REL: variants seen among roughly 807,000 people sequenced by gnomAD.
REL encodes REL proto-oncogene, NF-kB subunit.
REL carries 15 observed loss-of-function variants against 45.9 expected under a neutral mutation model. That is an observed-to-expected ratio of 0.33 (90% CI 0.22 to 0.50). The LOEUF is 0.50. Ranked by LOEUF, REL falls within the 20% of genes least tolerant of loss-of-function variation. REL has a pLI of 0.98. For synonymous variants in REL, 239 were observed against 242.1 expected (o/e 0.99, Z 0.12); for missense variants, 601 against 715.2 (o/e 0.84, Z 1.82).
rs779702816 is a variant in REL at position 60,922,338 on chromosome 2, T to G, written c.1567T>G (p.Phe523Val). Residue 523 changes from phenylalanine (F) to valine (V), a missense_variant, in exon 10 of 10, where the codon TTT (phenylalanine) becomes GTT (valine). This residue lies in a region of REL where 334 missense variants were observed against 333.1 expected (regional missense o/e 1.00). Transcript: ENST00000394479. ...SAGANSNTTV[F>V]VSQSDAFEGS... The stretch of plus-strand genomic sequence containing the variant: ...AGGCGCCAATTCCAATACTACTGTT[T>G]TTGTTTCACAATCAGATGCATTTGA... 4.5e-5 allele frequency: 72 copies of G among 1,614,052 alleles called. No individual in the cohort carries two copies. The highest frequency in any genetic ancestry group is 1.6e-4 in the Middle Eastern group (1 of 6,082).
rs911670269 is a variant in REL at position 60,908,382 on chromosome 2, T to C, written c.394+7299T>C. Among the ~76,000 whole-genome samples the C allele has an allele frequency of 2.0e-5, 3 of 152,194 alleles. No individual in the cohort carries two copies. In the East Asian group the frequency reaches 5.8e-4, roughly 29 times the overall value. ...CCTTTATCTTTCTTGCCATTTGTTC[T>C]TTAAAACTAAGAAACAGTCTCTAGC... is the stretch of plus-strand genomic sequence containing the variant. On this transcript the variant is annotated intron_variant, in intron 4 of 9. Transcript: ENST00000394479.
At chr2:60,882,660 G>A (rs1011958372) in intron 1 of REL, among the ~76,000 whole-genome samples, 4 of 151,890 alleles carry the variant, frequency 2.6e-5, no homozygotes, top group Non-Finnish European at 4.4e-5. Flanking sequence ...GGGCGACAGA[G>A]GGAGACCCTG....
At position 60,928,206 on chromosome 2, in the gene REL, C is replaced by T. The variant is rs1674312573; in HGVS notation, c.*5671C>T. 5.9e-6 allele frequency: 1 copy of T among 169,176 alleles called. No homozygotes were observed. The highest frequency in any genetic ancestry group is 2.4e-5 in the African/African-American group (1 of 41,686). 10.5% of individuals were successfully genotyped at this position (169,176 alleles called of 1,614,324 possible). On this transcript the variant is annotated 3_prime_UTR_variant, in exon 10 of 10. Transcript: ENST00000394479. ...ACCAAATGGAAGAACATTCCATGCTCATGGGTAGGAAGAATCAATATCGTG... is the reference window on the plus strand; with the variant it reads ...ACCAAATGGAAGAACATTCCATGCTTATGGGTAGGAAGAATCAATATCGTG...
At chr2:60,899,862 CT>C (rs924417152) in intron 3 of REL, 32 of 152,278 alleles carry the variant, frequency 2.1e-4, no homozygotes, top group African/African-American at 7.5e-4. Context: ...CATTTTGAAA[CT>C]TGTTAAATAT....
intron 3 of REL, among the ~76,000 whole-genome samples, chr2:60,898,775 G>A (rs1021861699): frequency 2.0e-5 from 3 of 152,234 alleles, no homozygotes; most frequent in Non-Finnish European, 2.9e-5. Flanking sequence ...AGACAGACAA[G>A]ATGTTGGATT....
rs936075051 is a variant in REL at position 60,927,159 on chromosome 2, C to G, written c.*4624C>G. 4.0e-5 allele frequency: 9 copies of G among 225,058 alleles called. No homozygotes were observed. The Admixed American group carries it at 4.0e-4, about 10-fold the overall frequency. 13.9% of individuals were successfully genotyped at this position (225,058 alleles called of 1,614,324 possible). On this transcript the variant is annotated 3_prime_UTR_variant, in exon 10 of 10. Transcript: ENST00000394479. ...TCTTTCGTCATTGGGACTCCAGCACCCAGCATAGTCCCTAGTATACTAGTT... is the reference window on the plus strand; with the variant it reads ...TCTTTCGTCATTGGGACTCCAGCACGCAGCATAGTCCCTAGTATACTAGTT...
chr2:60,917,340 C>T (rs1190845542), intron 5 of REL, among the ~76,000 whole-genome samples: 1 of 151,996 alleles, frequency 6.6e-6, no homozygotes, highest in Non-Finnish European at 1.5e-5. Context: ...TTCTTCTTAC[C>T]ATATATCTTG....
rs772149432 is a variant in REL at position 60,918,545 on chromosome 2, G to A, written c.792G>A (p.Arg264=). 2.5e-6 allele frequency: 4 copies of A among 1,614,122 alleles called. No individual in the cohort carries two copies. The Admixed American group carries it at 6.7e-5, about 27-fold the overall frequency. Residue 264 remains arginine (R), a synonymous_variant, in exon 7 of 10, where the codon CGG becomes CGA. Transcript: ENST00000394479. The part of the protein sequence containing the change: ...TEPVTVKMQL[R]RPSDQEVSES... ...CCGTAACAGTAAAAATGCAGTTGCG[G>A]AGACCTTCTGACCAGGAAGTTAGTG... is the stretch of plus-strand genomic sequence containing the variant.
At chr2:60,892,880 G>C (rs922655925) in intron 2 of REL, among the ~76,000 whole-genome samples, 1 of 151,748 alleles carries the variant, frequency 6.6e-6, no homozygotes, top group African/African-American at 2.4e-5. Context: ...TCAGCCTCCC[G>C]AGTAGCTGGG....
rs943306745 is a variant in REL, at chr2:60,927,343, C to G, written c.*4808C>G. 2 of 231,872 alleles carry G rather than the reference C, an allele frequency of 8.6e-6. No homozygotes were observed. Among genetic ancestry groups the G allele is most frequent in the African/African-American group, 4.4e-5 (2 of 45,268 alleles). The allele number at this position is 231,872 out of a possible 1,614,324, so 14.4% of individuals were successfully genotyped here. ...ATTACTTAAGTCTTGTGAAATAACA[C>G]TTCTCTTCCTTGACCTGCTGCTTCC... On this transcript the variant is annotated 3_prime_UTR_variant, in exon 10 of 10. Transcript: ENST00000394479.
At chr2:60,904,256 G>T (rs1372491796) in intron 4 of REL, among the ~76,000 whole-genome samples, 1 of 151,942 alleles carries the variant, frequency 6.6e-6, no homozygotes, top group African/African-American at 2.4e-5. Context: ...CAAAAAATTG[G>T]CTGGACGTGG....
At chr2:60,901,148 C>CCCTTTTTTT (rs755936187) in intron 4 of REL, 65 bp downstream of exon 4, 4 of 850,162 alleles carry the variant, frequency 4.7e-6, no homozygotes, top group Non-Finnish European at 3.0e-6. Context: ...TTTTTTCTTT[C>CCCTTTTTTT]TCTTTTTTTT....
chr2:60,906,909 A>AT (rs1291297864), intron 4 of REL, among the ~76,000 whole-genome samples: 3,996 of 97,106 alleles, frequency 0.041, 77 homozygotes, highest in Middle Eastern at 0.081. Context: ...ATATATATAT[A>AT]TATATTTTTT....
At chr2:60,909,363 A>C (rs842616) in intron 4 of REL, among the ~76,000 whole-genome samples, 13,895 of 152,254 alleles carry the variant, frequency 0.091, 711 homozygotes, top group Middle Eastern at 0.13. Context: ...TATTATACAT[A>C]GGGGATACTT....
intron 7 of REL, 70 bp downstream of exon 7, chr2:60,918,676 T>C: frequency 1.9e-6 from 2 of 1,061,042 alleles, no homozygotes; most frequent in East Asian, 2.4e-5. Context: ...CTTCTTGTAA[T>C]ATTCATTTGA....
In REL at chr2:60,895,493, A is replaced by G. The variant is rs138841715; in HGVS notation, c.302+948A>G. On this transcript the variant is annotated intron_variant, in intron 3 of 9. Transcript: ENST00000394479. Reference sequence around the variant, plus strand: ...TGCTGTGCCACGCCCATTTACAGTTAACATAAAAATGCCTGGATGTGAGAA... The same window carrying G: ...TGCTGTGCCACGCCCATTTACAGTTGACATAAAAATGCCTGGATGTGAGAA... Among the ~76,000 whole-genome samples the G allele has an allele frequency of 9.5e-3, 1,444 of 152,246 alleles. 19 individuals are homozygous for G. The highest frequency in any genetic ancestry group is 0.042 in the South Asian group (201 of 4,816).
At chr2:60,917,091 G>A in intron 5 of REL, 74 bp downstream of exon 5, 9 of 1,292,408 alleles carry the variant, frequency 7.0e-6, no homozygotes, top group Admixed American at 2.2e-5. Flanking sequence ...AAATTATTTT[G>A]GTAATTAGGA....
intron 8 of REL, 147 bp downstream of exon 8, chr2:60,920,256 C>T: frequency 1.5e-6 from 1 of 677,036 alleles, no homozygotes; most frequent in East Asian, 2.8e-5. Flanking sequence ...GGCTGGAGTG[C>T]AGTAGGGCAA....
intron 4 of REL, among the ~76,000 whole-genome samples, chr2:60,906,272 A>G (rs1673645723): frequency 1.3e-5 from 2 of 152,050 alleles, no homozygotes; most frequent in African/African-American, 4.8e-5. Context: ...GAGCCAAACC[A>G]TATCGCCCCA....
Sources: allele counts gnomAD v4.1 joint callset (sites outside exome capture counted in the v4.1 genomes callset), GRCh38; gene constraint gnomAD v4.1.1; regional missense constraint gnomAD v4.1.1; transcripts MANE v1.5; gene names NCBI Gene and HGNC (gene_info 2026-07-23, HGNC 2026-07-21).